The following WFS1 variants were observed in gnomAD, a reference collection of about 807,000 sequenced individuals.
WFS1 encodes wolframin.
A neutral mutation model predicts 68.5 loss-of-function variants in WFS1; 90 were observed. The observed-to-expected ratio is 1.31, with a 90% CI of 1.11 to 1.56. The LOEUF (loss-of-function observed/expected upper bound fraction) is 1.56, where lower values mean the gene tolerates loss of function less well. Ranked by LOEUF, WFS1 falls within the 40% of genes most tolerant of loss-of-function variation. WFS1 has a pLI of 0.00. For synonymous variants in WFS1, 860 were observed against 540.7 expected (o/e 1.59, Z -8.19); for missense variants, 1,767 against 1,232.6 (o/e 1.43, Z -6.49).
rs570753936 is a variant in WFS1 at position 6,276,627 on chromosome 4, C to G, written c.-5-824C>G. Among the ~76,000 whole-genome samples, 63 of 152,298 alleles carry G rather than the reference C, an allele frequency of 4.1e-4. No individual in the cohort carries two copies. The South Asian group carries it at 0.013, about 32-fold the overall frequency. ...CTCTTCTCTCCCCTGCCCTCTTCTC[C>G]CCTCCCCAGCTCCCTTCCCCTCTCA... On this transcript the variant is annotated intron_variant, in intron 1 of 7. Coordinates refer to ENST00000226760, the MANE Select transcript of WFS1 (RefSeq NM_006005.3).
At chr4:6,299,087 T>G (rs1404017102) in intron 7 of WFS1, among the ~76,000 whole-genome samples, 2 of 152,252 alleles carry the variant, frequency 1.3e-5, no homozygotes, top group Non-Finnish European at 2.9e-5. Context: ...TGCCACGCCA[T>G]GCTGTGTGAG....
chr4:6,298,478 C>T (rs900329338), intron 7 of WFS1, among the ~76,000 whole-genome samples: 6 of 149,866 alleles, frequency 4.0e-5, no homozygotes, highest in African/African-American at 1.5e-4. Context: ...CTGCTTTAAT[C>T]GTTTATTTGC....
intron 6 of WFS1, among the ~76,000 whole-genome samples, 189 bp downstream of exon 6, chr4:6,292,186 T>C (rs963313192): frequency 6.6e-6 from 1 of 152,126 alleles, no homozygotes; most frequent in African/African-American, 2.4e-5. Flanking sequence ...GGCGGTCCGT[T>C]TGGGGCTCAG....
At chr4:6,298,682 A>C (rs1730724107) in intron 7 of WFS1, among the ~76,000 whole-genome samples, 2 of 152,056 alleles carry the variant, frequency 1.3e-5, no homozygotes, top group Admixed American at 1.3e-4. Context: ...CGTTTCCTCC[A>C]TGAGCCTGCC....
rs1430113884 is a variant in WFS1, at chr4:6,277,593, C to T, written c.138C>T (p.Pro46=). The T allele has an allele frequency of 1.3e-6, 2 of 1,578,886 alleles. No homozygotes were observed. The highest frequency in any genetic ancestry group is 1.3e-5 in the African/African-American group (1 of 74,248). ...GCGAAAGGCCCCGAGCACCCGGACCCCAGGCTGGCCCTGGCCCTGGTGTTA... is the reference window on the plus strand; with the variant it reads ...GCGAAAGGCCCCGAGCACCCGGACCTCAGGCTGGCCCTGGCCCTGGTGTTA... ...ERSERPRAPG[P]QAGPGPGVRD... The change falls in exon 2 of 8, where the codon CCC becomes CCT. Residue 46 remains proline, a synonymous_variant. Coordinates refer to ENST00000226760, the MANE Select transcript of WFS1 (RefSeq NM_006005.3).
intron 7 of WFS1, 130 bp downstream of exon 7, chr4:6,295,319 C>T (rs371918378): frequency 5.4e-6 from 6 of 1,112,506 alleles, no homozygotes; most frequent in Admixed American, 1.9e-5. Flanking sequence ...ACAGCCGTGC[C>T]GCTGGTACCT....
chr4:6,295,670 G>A (rs1311598770), intron 7 of WFS1, among the ~76,000 whole-genome samples: 3 of 152,230 alleles, frequency 2.0e-5, no homozygotes, highest in African/African-American at 2.4e-5. Flanking sequence ...CTCAGGGAGC[G>A]AGGCCAGTGT....
intron 2 of WFS1, among the ~76,000 whole-genome samples, chr4:6,286,466 C>G (rs73795943): frequency 0.023 from 3,432 of 152,220 alleles, 131 homozygotes; most frequent in African/African-American, 0.077. Context: ...TCTCCAGAAT[C>G]GAAAGAAATA....
chr4:6,290,531 T>C lies in WFS1; in HGVS notation c.461-666T>C, dbSNP rs536058613. On this transcript the variant is annotated intron_variant, in intron 4 of 7. Coordinates refer to ENST00000226760, the MANE Select transcript of WFS1 (RefSeq NM_006005.3). ...CCTTCTGATGTGCAGTTGTGCTTTC[T>C]GATTTGAAAAGAAATACATGCTCAT... 1.1e-3 allele frequency among the ~76,000 whole-genome samples: 171 copies of C among 152,384 alleles called. No homozygotes were observed. In the Middle Eastern group the frequency reaches 0.014, roughly 12 times the overall value.
intron 2 of WFS1, among the ~76,000 whole-genome samples, chr4:6,279,769 A>G (rs4476672): frequency 0.79 from 120,778 of 152,216 alleles, 48,652 homozygotes; most frequent in East Asian, 1. Context: ...GGCATCAGGA[A>G]GACTGCCTGG....
chr4:6,300,990 T>G lies in WFS1; in HGVS notation c.1195T>G (p.Trp399Gly), dbSNP rs767561828. ...DVEQAEVNFG[W>G]NHLEPYAHFL... ...GGAGCAGGCCGAGGTCAACTTCGGC[T>G]GGAACCACCTGGAGCCCTATGCCCA... Residue 399 changes from tryptophan (W) to glycine (G), a missense_variant, in exon 8 of 8, where the codon TGG (tryptophan) becomes GGG (glycine). Transcript: ENST00000226760. 37 of 1,613,890 alleles carry G rather than the reference T, an allele frequency of 2.3e-5. No homozygotes were observed. The African/African-American group carries it at 3.1e-4, about 13-fold the overall frequency.
chr4:6,271,896 C>G (rs933955915), intron 1 of WFS1, among the ~76,000 whole-genome samples: 2 of 152,212 alleles, frequency 1.3e-5, no homozygotes, highest in African/African-American at 4.8e-5. Context: ...CTCACTCAGC[C>G]TCTCCCTCCT....
At chr4:6,300,166 C>G (rs1730824143) in intron 7 of WFS1, among the ~76,000 whole-genome samples, 1 of 152,122 alleles carries the variant, frequency 6.6e-6, no homozygotes, top group Non-Finnish European at 1.5e-5. Flanking sequence ...CGGGGACTGC[C>G]TGCGGCTTCT....
At chr4:6,299,580 AAT>A (rs1491114810) in intron 7 of WFS1, among the ~76,000 whole-genome samples, 1 of 29,438 alleles carries the variant, frequency 3.4e-5, no homozygotes, top group Non-Finnish European at 6.1e-5. Flanking sequence ...CGTGTGTGTG[AAT>A]GTGTGTGTAG....
chr4:6,279,763 T>A (rs542079598), intron 2 of WFS1, among the ~76,000 whole-genome samples: 1 of 152,292 alleles, frequency 6.6e-6, no homozygotes, highest in East Asian at 1.9e-4. Flanking sequence ...CTTCAGGGCA[T>A]CAGGAAGACT....
rs149121526 is a variant in WFS1 at position 6,273,597 on chromosome 4, G to A, written c.-6+3583G>A. On this transcript the variant is annotated intron_variant, in intron 1 of 7. Coordinates refer to ENST00000226760, the MANE Select transcript of WFS1 (RefSeq NM_006005.3). ...TGCCCACATGCATTAAGTGCTTAAC[G>A]TATTCCTGGCAAGGCAGCCGGTCTT... is the stretch of plus-strand genomic sequence containing the variant. Among the ~76,000 whole-genome samples the A allele has an allele frequency of 3.0e-3, 460 of 152,292 alleles. 4 individuals carry two copies. Among genetic ancestry groups the A allele is most frequent in the African/African-American group, 9.0e-3 (374 of 41,562 alleles).
chr4:6,302,375 C>A lies in WFS1; in HGVS notation c.2580C>A (p.His860Gln), dbSNP rs754802246. The A allele has an allele frequency of 2.5e-5, 41 of 1,613,010 alleles. No homozygotes were observed. The highest frequency in any genetic ancestry group is 3.5e-5 in the Non-Finnish European group (41 of 1,179,992). The change falls in exon 8 of 8, where the codon CAC becomes CAA. Residue 860 changes from histidine (H) to glutamine (Q), a missense_variant. His to Gln is a conservative substitution (Grantham distance 24). Coordinates refer to ENST00000226760, the MANE Select transcript of WFS1 (RefSeq NM_006005.3). ...CCCAGCTCTCACCCACCAGGCGGCA[C>A]GTGAAGATCGAGCACGACTGGCGCA... ...CMAQLSPTRRHVKIEHDWRST... is the reference protein window; with the variant it reads ...CMAQLSPTRRQVKIEHDWRST...
chr4:6,302,570 G>A lies in WFS1; in HGVS notation c.*102G>A, dbSNP rs539628988. ...ATGCACCAGTGCCGCCTGTGCCCAC[G>A]TGTGCAGACTGTGGCTGCAGAGACC... On this transcript the variant is annotated 3_prime_UTR_variant, in exon 8 of 8. Coordinates refer to ENST00000226760, the MANE Select transcript of WFS1 (RefSeq NM_006005.3). 2.0e-5 allele frequency: 31 copies of A among 1,534,634 alleles called. No individual in the cohort carries two copies. Among genetic ancestry groups the A allele is most frequent in the East Asian group, 9.1e-5 (4 of 43,824 alleles).
intron 1 of WFS1, among the ~76,000 whole-genome samples, chr4:6,271,650 T>A (rs1371509705): frequency 2.0e-5 from 3 of 151,996 alleles, no homozygotes; most frequent in Non-Finnish European, 4.4e-5. Context: ...CCTTCATTCC[T>A]CACTCCCAGT....
Sources: gnomAD v4.1 joint callset for allele counts (sites outside exome capture counted in the v4.1 genomes callset) on GRCh38, gnomAD v4.1.1 for gene constraint, MANE v1.5 for transcripts, NCBI Gene and HGNC (gene_info 2026-07-23, HGNC 2026-07-21) for gene names.